Variants in PPFIA1 observed in about 807,000 individuals in gnomAD.
PPFIA1 encodes the protein liprin-alpha-1.
In PPFIA1, 25 loss-of-function variants were observed where a neutral mutation model predicts 149.9. That is an observed-to-expected ratio of 0.17 (90% CI 0.12 to 0.23). The LOEUF (loss-of-function observed/expected upper bound fraction) is 0.23. Among genes scored for constraint, PPFIA1 ranks in the 10% least tolerant of loss-of-function variants. PPFIA1 has a pLI of 1.00. For missense variants in PPFIA1, 1,362 were observed against 1,506.5 expected, an observed-to-expected ratio of 0.90 and a Z score of 1.59; for synonymous variants, 549 against 552.8, an observed-to-expected ratio of 0.99 and a Z score of 0.10.
chr11:70,342,936 C>CTTTTTTTTTTTTTTT (rs71463672), intron 14 of PPFIA1, among the ~76,000 whole-genome samples: 1 of 78,172 alleles, frequency 1.3e-5, no homozygotes, highest in African/African-American at 6.2e-5. Context: ...AATGTACCAC[C>CTTTTTTTTTTTTTTT]TTTTTTTTTT....
chr11:70,343,028 A>C (rs1302811626), intron 14 of PPFIA1, among the ~76,000 whole-genome samples: 1 of 137,260 alleles, frequency 7.3e-6, no homozygotes, highest in African/African-American at 2.8e-5. Flanking sequence ...ACTCATTGCA[A>C]CTTCCACCTC....
intron 2 of PPFIA1, among the ~76,000 whole-genome samples, chr11:70,276,758 G>A (rs1406081478): frequency 2.0e-5 from 3 of 151,778 alleles, no homozygotes; most frequent in South Asian, 2.1e-4. Context: ...ATTTTTCCCC[G>A]CTAGAGATTT....
chr11:70,309,036 T>TC (rs1269990103), intron 2 of PPFIA1, among the ~76,000 whole-genome samples: 2 of 152,202 alleles, frequency 1.3e-5, no homozygotes, highest in Non-Finnish European at 2.9e-5. Context: ...ATTCTGCCCC[T>TC]CCCCTCAGGC....
At position 70,337,417 on chromosome 11, in the gene PPFIA1, A is replaced by C; in HGVS notation, c.1481A>C (p.Gln494Pro). ...ESAKKQLEET[Q>P]HDKDQLVLNI... Reference sequence around the variant, plus strand: ...GCAAAAAAGCAGTTAGAAGAAACACAACACGATAAGGTACTGAAATCTTCT... The same window carrying C: ...GCAAAAAAGCAGTTAGAAGAAACACCACACGATAAGGTACTGAAATCTTCT... Residue 494 changes from glutamine (Q) to proline (P), a missense_variant, in exon 12 of 28, where the codon CAA (glutamine) becomes CCA (proline). Coordinates refer to ENST00000253925, the MANE Select transcript of PPFIA1 (RefSeq NM_003626.5). 1 of 1,596,462 alleles carries C rather than the reference A, an allele frequency of 6.3e-7. No individual in the cohort carries two copies. Among genetic ancestry groups the C allele is most frequent in the Non-Finnish European group, 8.5e-7 (1 of 1,170,156 alleles).
intron 15 of PPFIA1, among the ~76,000 whole-genome samples, chr11:70,346,842 TG>T (rs1481800387): frequency 2.0e-5 from 3 of 152,158 alleles, no homozygotes; most frequent in African/African-American, 4.8e-5. Context: ...GAACTTTAAT[TG>T]GAAGGGTTAT....
At chr11:70,356,114 C>A in intron 18 of PPFIA1, 47 bp from the exon 19 acceptor site, 1 of 1,414,308 alleles carries the variant, frequency 7.1e-7, no homozygotes, top group Non-Finnish European at 1.0e-6. Context: ...AAACATAGAG[C>A]TTTGTCATGC....
chr11:70,312,897 G>C (rs1040595612), intron 2 of PPFIA1, among the ~76,000 whole-genome samples: 3 of 152,188 alleles, frequency 2.0e-5, no homozygotes, highest in Non-Finnish European at 4.4e-5. Flanking sequence ...GCCGGGGCTG[G>C]GGGCGGGTGT....
At chr11:70,309,242 C>T (rs762737927) in intron 2 of PPFIA1, among the ~76,000 whole-genome samples, 43 of 152,004 alleles carry the variant, frequency 2.8e-4, no homozygotes, top group East Asian at 5.8e-4. Context: ...CGATCTCTGC[C>T]GACCGCAACC....
Position 70,307,387 on chromosome 11 carries a change from G to A in PPFIA1, c.265-17015G>A, listed in dbSNP as rs375057096. Among the ~76,000 whole-genome samples the A allele has an allele frequency of 3.7e-4, 56 of 152,308 alleles. 1 individual carries two copies. The highest frequency in any genetic ancestry group is 1.3e-3 in the African/African-American group (54 of 41,566). On this transcript the variant is annotated intron_variant, in intron 2 of 27. Coordinates refer to ENST00000253925, the MANE Select transcript of PPFIA1 (RefSeq NM_003626.5). ...TGTATGCCAGGAAGCTGTAAAAAGG[G>A]AGGAGGATGTTATGCACCGATATGG...
chr11:70,303,862 C>T (rs1222399935), intron 2 of PPFIA1, among the ~76,000 whole-genome samples: 1 of 152,138 alleles, frequency 6.6e-6, no homozygotes, highest in Non-Finnish European at 1.5e-5. Context: ...AAAAATTAGC[C>T]AGGCGTGGTG....
chr11:70,368,299 ATTCT>A (rs2057057629), intron 21 of PPFIA1, among the ~76,000 whole-genome samples: 1 of 152,194 alleles, frequency 6.6e-6, no homozygotes, highest in Non-Finnish European at 1.5e-5. Context: ...GAATTTAAAC[ATTCT>A]TTGTTTAAAT....
intron 2 of PPFIA1, among the ~76,000 whole-genome samples, chr11:70,273,104 C>G (rs1455305008): frequency 6.6e-6 from 1 of 152,156 alleles, no homozygotes; most frequent in East Asian, 1.9e-4. Flanking sequence ...ATGGCAAAAC[C>G]CTGTCTCTAC....
chr11:70,280,164 TC>T (rs1236823222), intron 2 of PPFIA1, among the ~76,000 whole-genome samples: 1 of 151,912 alleles, frequency 6.6e-6, no homozygotes, highest in African/African-American at 2.4e-5. Context: ...TGCCTCAGTC[TC>T]CGAAAGTGTT....
chr11:70,345,733 G>C (rs2055651075), intron 15 of PPFIA1, among the ~76,000 whole-genome samples: 1 of 152,094 alleles, frequency 6.6e-6, no homozygotes, highest in African/African-American at 2.4e-5. Flanking sequence ...AGGCTGAGGC[G>C]GGAGGATCCC....
At chr11:70,361,333 G>A (rs1268873684) in intron 19 of PPFIA1, among the ~76,000 whole-genome samples, 2 of 152,160 alleles carry the variant, frequency 1.3e-5, no homozygotes, top group Non-Finnish European at 2.9e-5. Context: ...TCCGTATCAC[G>A]TAGGCATAAT....
At chr11:70,308,214 A>G (rs1361389098) in intron 2 of PPFIA1, among the ~76,000 whole-genome samples, 2 of 152,104 alleles carry the variant, frequency 1.3e-5, no homozygotes, top group South Asian at 2.1e-4. Flanking sequence ...ACGGCCAGCT[A>G]ATTTTGTATT....
chr11:70,339,679 T>C (rs2055197056), intron 14 of PPFIA1, among the ~76,000 whole-genome samples: 1 of 151,964 alleles, frequency 6.6e-6, no homozygotes, highest in African/African-American at 2.4e-5. Context: ...ACAGTCACTT[T>C]TAAATACAAT....
chr11:70,300,825 G>A lies in PPFIA1; in HGVS notation c.265-23577G>A, dbSNP rs199920112. On this transcript the variant is annotated intron_variant, in intron 2 of 27. Transcript: ENST00000253925. ...TGGGATTACAGGCATGAGCCACCGC[G>A]CCCGGCCTACTCCAACTTTTAAAAT... Among the ~76,000 whole-genome samples, 8 of 152,270 alleles carry A rather than the reference G, an allele frequency of 5.3e-5. No individual in the cohort carries two copies. In the East Asian group the frequency reaches 1.3e-3, roughly 26 times the overall value.
intron 14 of PPFIA1, 69 bp downstream of exon 14, chr11:70,339,375 A>G (rs1280628283): frequency 1.3e-6 from 2 of 1,533,628 alleles, no homozygotes; most frequent in Non-Finnish European, 1.8e-6. Context: ...CTTTCAGACT[A>G]CTTTGGGATA....
Sources: gnomAD v4.1 joint callset for allele counts (sites outside exome capture counted in the v4.1 genomes callset) on GRCh38, gnomAD v4.1.1 for gene constraint, MANE v1.5 for transcripts, NCBI Gene and HGNC (gene_info 2026-07-23, HGNC 2026-07-21) for gene names.